The following ZNF385C variants were observed in gnomAD, a reference collection of about 807,000 sequenced individuals.
ZNF385C encodes zinc finger protein 385C.
In ZNF385C, 28 loss-of-function variants were observed where a neutral mutation model predicts 35.4. That is an observed-to-expected ratio of 0.79 (90% confidence interval 0.59 to 1.08). The LOEUF (loss-of-function observed/expected upper bound fraction) is 1.08, where lower values mean the gene tolerates loss of function less well. ZNF385C is among the 50% of genes least tolerant of loss of function. The pLI is 0.00. For missense variants in ZNF385C, 605 were observed against 595.6 expected (o/e 1.02, Z -0.16); for synonymous variants, 248 against 248.2 (o/e 1.00, Z 0.01).
chr17:42,086,592 C>T (rs905587996), intron 1 of ZNF385C, among the ~76,000 whole-genome samples: 3 of 149,516 alleles, frequency 2.0e-5, no homozygotes, highest in African/African-American at 7.4e-5. Context: ...ATTCCAGCTA[C>T]TTGGGAGGCT....
Position 42,026,293 on chromosome 17 carries a change from A to T in ZNF385C, c.*604T>A, listed in dbSNP as rs2052577236. The T allele has an allele frequency of 6.4e-6, 1 of 155,354 alleles. No homozygotes were observed. The highest frequency in any genetic ancestry group is 1.9e-4 in the South Asian group (1 of 5,170). The allele number at this position is 155,354 out of a possible 1,614,324, so 9.6% of individuals were successfully genotyped here. On this transcript the variant is annotated 3_prime_UTR_variant, in exon 9 of 9. Transcript: ENST00000692273. Reference sequence around the variant, plus strand: ...GAACATCACCTCCTCTCTTAGTCCCACCCCTTCAGAGCAGATGAAGCCCCC... The same window carrying T: ...GAACATCACCTCCTCTCTTAGTCCCTCCCCTTCAGAGCAGATGAAGCCCCC...
Position 42,027,098 on chromosome 17 carries a change from C to A in ZNF385C, c.1311G>T (p.Thr437=), listed in dbSNP as rs782598972. Residue 437 remains threonine (T), a synonymous_variant, in exon 9 of 9, where the codon ACG becomes ACT. Transcript: ENST00000692273. ...KLALQKQLTK[T]LAARFLPSPL... is the part of the protein sequence containing the mutation. ...GGCTGGGCAGGAAGCGGGCTGCCAA[C>A]GTCTTGGTGAGTTGCTTCTGCAAGG... 4 of 1,612,910 alleles carry A rather than the reference C, an allele frequency of 2.5e-6. No homozygotes were observed. The African/African-American group carries it at 5.3e-5, about 22-fold the overall frequency.
At chr17:42,069,687 A>AGGTT (rs2053596435) in intron 1 of ZNF385C, among the ~76,000 whole-genome samples, 1 of 152,254 alleles carries the variant, frequency 6.6e-6, no homozygotes, top group Non-Finnish European at 1.5e-5. Context: ...AGACCAGGCC[A>AGGTT]GGCTGGCTGG....
rs569839224 is a variant in ZNF385C at position 42,026,732 on chromosome 17, C to T, written c.*165G>A. 12 of 725,590 alleles carry T rather than the reference C, an allele frequency of 1.7e-5. No homozygotes were observed. In the African/African-American group the frequency reaches 2.1e-4, roughly 13 times the overall value. 44.9% of individuals were successfully genotyped at this position (725,590 alleles called of 1,614,324 possible). On this transcript the variant is annotated 3_prime_UTR_variant, in exon 9 of 9. Transcript: ENST00000692273. ...CCTGCGAAAGGAGGGTGGGGACAGT[C>T]CTTGGAAGGCAGCTGCCCTTAAAAC...
At chr17:42,092,825 T>A (rs776684585) in intron 1 of ZNF385C, among the ~76,000 whole-genome samples, 13 of 148,452 alleles carry the variant, frequency 8.8e-5, no homozygotes, top group Non-Finnish European at 1.6e-4. Context: ...GGGGAGGGGG[T>A]CAGCTGGCAT....
chr17:42,062,988 G>A lies in ZNF385C; in HGVS notation c.69C>T (p.Cys23=). The stretch of plus-strand genomic sequence containing the variant: ...TAGGTGGTTCTGGGGGCCGAGGGAG[G>A]CACTCAGCAGCTCCAGATATGGGGG... ...KETPISGAAE[C]LPRPPEPPKP... Residue 23 remains cysteine (C), a synonymous_variant, in exon 2 of 9, where the codon TGC becomes TGT. Coordinates refer to ENST00000692273, the MANE Select transcript of ZNF385C (RefSeq NM_001392013.1). 1.4e-6 allele frequency: 1 copy of A among 693,012 alleles called. No homozygotes were observed. Among genetic ancestry groups the A allele is most frequent in the Non-Finnish European group, 2.6e-6 (1 of 380,450 alleles). The allele number at this position is 693,012 out of a possible 1,614,324, so 42.9% of individuals were successfully genotyped here. A position where few individuals can be genotyped will look rare whatever the true frequency, so the allele number is the denominator to read the frequency against.
At chr17:42,043,336 T>G in intron 2 of ZNF385C, 1 of 1,232,212 alleles carries the variant, frequency 8.1e-7, no homozygotes, top group Non-Finnish European at 1.0e-6. Flanking sequence ...CTTGTTGGAG[T>G]TGGAGGCCTC....
At position 42,034,317 on chromosome 17, in the gene ZNF385C, C is replaced by G; in HGVS notation, c.418G>C (p.Ala140Pro). The change falls in exon 4 of 9, where the codon GCT (alanine) becomes CCT (proline). Residue 140 changes from alanine to proline, a missense_variant. Physicochemically the swap from Ala to Pro is conservative, Grantham distance 27. Coordinates refer to ENST00000692273, the MANE Select transcript of ZNF385C (RefSeq NM_001392013.1). ...ACACCAAACGTGTGGCTGATGACAG[C>G]TTTCTGGACCGGGTCCATCTGTGAA... ...NFSTMDPVQK[A>P]VISHTFGVPS... 1 of 1,550,534 alleles carries G rather than the reference C, an allele frequency of 6.4e-7. No homozygotes were observed. Among genetic ancestry groups the G allele is most frequent in the Non-Finnish European group, 8.7e-7 (1 of 1,146,966 alleles).
intron 2 of ZNF385C, among the ~76,000 whole-genome samples, chr17:42,051,982 C>T (rs1176243646): frequency 6.6e-6 from 1 of 152,210 alleles, no homozygotes; most frequent in Non-Finnish European, 1.5e-5. Flanking sequence ...TTGCAGCCCC[C>T]ACAGCTGCCC....
intron 6 of ZNF385C, 86 bp from the exon 7 acceptor site, chr17:42,028,332 T>G: frequency 7.2e-7 from 1 of 1,384,048 alleles, no homozygotes; most frequent in Non-Finnish European, 9.7e-7. Context: ...GCAATTTGGC[T>G]CTCCCTGTAA....
intron 3 of ZNF385C, among the ~76,000 whole-genome samples, chr17:42,036,390 G>A (rs1204465923): frequency 6.6e-6 from 1 of 151,688 alleles, no homozygotes; most frequent in Non-Finnish European, 1.5e-5. Context: ...GCAGCTGTCT[G>A]AACTTGTCAA....
chr17:42,055,776 A>AAGGTC (rs2053366433), intron 2 of ZNF385C, among the ~76,000 whole-genome samples: 1 of 152,104 alleles, frequency 6.6e-6, no homozygotes, highest in Non-Finnish European at 1.5e-5. Flanking sequence ...ACTTGAGCTC[A>AAGGTC]AGGTCTTTGA....
In ZNF385C at chr17:42,028,853, C is replaced by CT. The variant is rs782436109; in HGVS notation, c.896dup (p.His301AlafsTer8). On this transcript the variant is annotated frameshift_variant, in exon 6 of 9. Transcript: ENST00000692273. LOFTEE classifies it high-confidence loss of function. ...TACACGTGGGGCAGTAGAGGTGCCC[C>CT]TTCTCACTCCTGCCTTCCCCACTCA... 7.7e-6 allele frequency: 12 copies of CT among 1,550,526 alleles called. No individual in the cohort carries two copies. Among genetic ancestry groups the CT allele is most frequent in the Non-Finnish European group, 1.0e-5 (12 of 1,147,008 alleles).
At chr17:42,096,201 G>A (rs2053915716) in intron 1 of ZNF385C, among the ~76,000 whole-genome samples, 1 of 152,166 alleles carries the variant, frequency 6.6e-6, no homozygotes, top group South Asian at 2.1e-4. Flanking sequence ...CCTGCAAATA[G>A]CTGTCCCTTC....
At chr17:42,078,704 A>C (rs1329814390) in intron 1 of ZNF385C, among the ~76,000 whole-genome samples, 4 of 152,148 alleles carry the variant, frequency 2.6e-5, no homozygotes, top group African/African-American at 9.7e-5. Flanking sequence ...GATACAGGCC[A>C]CGTGGAGGCT....
rs1555654226 is a variant in ZNF385C, at chr17:42,026,869, G to GA, written c.*27dup. On this transcript the variant is annotated 3_prime_UTR_variant, in exon 9 of 9. Transcript: ENST00000692273. ...GGAGGAGACAAGGAGTGGCTATTGG[G>GA]AAATCAGCTCTGGCCTCCCCATGAG... 3.2e-6 allele frequency: 5 copies of GA among 1,560,688 alleles called. No individual in the cohort carries two copies. In the South Asian group the frequency reaches 5.8e-5, roughly 18 times the overall value.
Position 42,027,142 on chromosome 17 carries a change from AAAAG to A in ZNF385C, c.1276-13_1276-10del. ...TGCAAGGCCAGTTTAGACTACACGG[AAAAG>A]AAAGGAATGGACACAGTCTCCACCC... On this transcript the variant is annotated splice_polypyrimidine_tract_variant and intron_variant, in intron 8 of 8. Transcript: ENST00000692273. 1 of 1,612,342 alleles carries A rather than the reference AAAAG, an allele frequency of 6.2e-7. No homozygotes were observed. The highest frequency in any genetic ancestry group is 8.5e-7 in the Non-Finnish European group (1 of 1,179,138).
At chr17:42,083,192 GAC>G (rs2053766996) in intron 1 of ZNF385C, among the ~76,000 whole-genome samples, 1 of 151,866 alleles carries the variant, frequency 6.6e-6, no homozygotes, top group South Asian at 2.1e-4. Context: ...CCTGACTCGT[GAC>G]AAAATGTTTT....
rs1160434330 is a variant in ZNF385C at position 42,037,817 on chromosome 17, G to A, written c.319C>T (p.Pro107Ser). 2.6e-6 allele frequency: 4 copies of A among 1,522,718 alleles called. No homozygotes were observed. Among genetic ancestry groups the A allele is most frequent in the Non-Finnish European group, 3.5e-6 (4 of 1,133,904 alleles). The allele number at this position is 1,522,718 out of a possible 1,614,324, so 94.3% of individuals were successfully genotyped here. Residue 107 changes from proline (P) to serine (S), a missense_variant, in exon 3 of 9, where the codon CCC becomes TCC. By Grantham distance (74) the Pro-to-Ser change is moderately conservative (BLOSUM62 -1). Transcript: ENST00000692273. ...AGCAAGTGCTTGAAGTCCAGCGGGG[G>A]CTGCAGAGGCCGGGTGGGCAGGGGC... Reference protein sequence around the residue: ...SLPLPTRPLQPPLDFKHLLAF... With the variant: ...SLPLPTRPLQSPLDFKHLLAF...
Sources: gnomAD v4.1 joint callset for allele counts (sites outside exome capture counted in the v4.1 genomes callset) on GRCh38, gnomAD v4.1.1 for gene constraint, MANE v1.5 for transcripts, NCBI Gene and HGNC (gene_info 2026-07-23, HGNC 2026-07-21) for gene names.